ODR4: variants seen among roughly 807,000 people sequenced by gnomAD.
ODR4 encodes the protein odr-4 GPCR localization factor homolog.
ODR4 carries 47 observed loss-of-function variants against 60.2 expected under a neutral mutation model. The observed-to-expected ratio is 0.78, with a 90% CI of 0.62 to 1.00. The LOEUF (loss-of-function observed/expected upper bound fraction) is 1.00. Among genes scored for constraint, ODR4 ranks in the 50% least tolerant of loss-of-function variants. The probability of loss-of-function intolerance (pLI) is 0.00; values close to 1 mark genes in which losing one functional copy is unlikely to be tolerated. For missense variants in ODR4, 488 were observed against 530.8 expected, an observed-to-expected ratio of 0.92 and a Z score of 0.79; for synonymous variants, 178 against 175.5, an observed-to-expected ratio of 1.01 and a Z score of -0.11.
rs1230477437 is a variant in ODR4, at chr1:186,420,128, A to T, written c.*1052A>T. 6.6e-6 allele frequency: 1 copy of T among 152,200 alleles called. No individual in the cohort carries two copies. Among genetic ancestry groups the T allele is most frequent in the East Asian group, 1.9e-4 (1 of 5,196 alleles). 9.4% of individuals were successfully genotyped at this position (152,200 alleles called of 1,614,324 possible). Reference sequence around the variant, plus strand: ...GAGAATTTTCAAGAACCATACTTCGACATTTCCTCTGCCACAAAAAATGAA... The same window carrying T: ...GAGAATTTTCAAGAACCATACTTCGTCATTTCCTCTGCCACAAAAAATGAA... On this transcript the variant is annotated 3_prime_UTR_variant, in exon 14 of 14. Coordinates refer to ENST00000287859, the MANE Select transcript of ODR4 (RefSeq NM_017847.6).
intron 1 of ODR4, among the ~76,000 whole-genome samples, chr1:186,377,928 C>T (rs1659851970): frequency 6.6e-6 from 1 of 151,990 alleles, no homozygotes; most frequent in African/African-American, 2.4e-5. Context: ...GCCTGTAGTC[C>T]CAGCTACTTG....
chr1:186,379,462 A>G (rs1353332505), intron 1 of ODR4, among the ~76,000 whole-genome samples: 2 of 144,968 alleles, frequency 1.4e-5, no homozygotes, highest in African/African-American at 2.6e-5. Context: ...AAAAAAAAAA[A>G]AGAAATCTGG....
intron 1 of ODR4, among the ~76,000 whole-genome samples, chr1:186,377,905 T>A (rs1659851044): frequency 6.6e-6 from 1 of 151,494 alleles, no homozygotes; most frequent in Non-Finnish European, 1.5e-5. Flanking sequence ...ATTAGCCGAG[T>A]GTGGTGGCGG....
At chr1:186,390,944 A>C (rs1284707770) in intron 7 of ODR4, 93 bp downstream of exon 7, 1 of 1,252,132 alleles carries the variant, frequency 8.0e-7, no homozygotes, top group Non-Finnish European at 1.1e-6. Flanking sequence ...ACAATCCTCA[A>C]AAATTACATT....
chr1:186,413,202 A>G (rs969395082), intron 12 of ODR4, among the ~76,000 whole-genome samples: 1 of 152,066 alleles, frequency 6.6e-6, no homozygotes, highest in African/African-American at 2.4e-5. Flanking sequence ...CAAAGGAAAT[A>G]TACTCATTAG....
Position 186,386,048 on chromosome 1 carries a change from G to A in ODR4, c.295G>A (p.Glu99Lys). 1 of 1,604,086 alleles carries A rather than the reference G, an allele frequency of 6.2e-7. No individual in the cohort carries two copies. The highest frequency in any genetic ancestry group is 8.5e-7 in the Non-Finnish European group (1 of 1,174,472). ...TGGAGTATTTATTATTACTACTTTA[G>A]AACTGGCAAATGATTTTCAAAATGC... is the stretch of plus-strand genomic sequence containing the variant. Reference protein sequence around the residue: ...VLGVFIITTLELANDFQNALR... With the variant: ...VLGVFIITTLKLANDFQNALR... The change falls in exon 4 of 14, where the codon GAA becomes AAA. Residue 99 changes from glutamate to lysine, a missense_variant. By Grantham distance (56) the Glu-to-Lys change is moderately conservative. Transcript: ENST00000287859.
chr1:186,417,031 C>T (rs1027834579), intron 12 of ODR4, among the ~76,000 whole-genome samples: 1 of 151,906 alleles, frequency 6.6e-6, no homozygotes, highest in Non-Finnish European at 1.5e-5. Context: ...GGTGCAATCT[C>T]GGCTCACTGT....
downstream of ODR4, among the ~76,000 whole-genome samples, chr1:186,422,154 T>G (rs944499357): frequency 2.6e-5 from 4 of 152,122 alleles, no homozygotes; most frequent in Non-Finnish European, 5.9e-5. Context: ...AAAAAAAATT[T>G]TTTTTAAATG....
rs1660782863 is a variant in ODR4 at position 186,398,424 on chromosome 1, G to A, written c.892G>A (p.Val298Ile). The A allele has an allele frequency of 1.9e-6, 3 of 1,606,352 alleles. No homozygotes were observed. The Admixed American group carries it at 5.1e-5, about 27-fold the overall frequency. Residue 298 changes from valine to isoleucine, a missense_variant, in exon 10 of 14, where the codon GTT becomes ATT. Val to Ile is a conservative substitution (Grantham distance 29). Coordinates refer to ENST00000287859, the MANE Select transcript of ODR4 (RefSeq NM_017847.6). Reference sequence around the variant, plus strand: ...TTATATCCACAGCAGTAAACCCAAAGTTAAAGATGCTGTGCAGGTACAAAA... The same window carrying A: ...TTATATCCACAGCAGTAAACCCAAAATTAAAGATGCTGTGCAGGTACAAAA... ...RAYIHSSKPKVKDAVQAVKRD... is the reference protein window; with the variant it reads ...RAYIHSSKPKIKDAVQAVKRD...
the ODR4 span, among the ~76,000 whole-genome samples, chr1:186,434,614 G>A: frequency 1.3e-5 from 2 of 152,116 alleles, no homozygotes; most frequent in South Asian, 4.1e-4. Context: ...GGAAATGCTT[G>A]AAGAAGGGAA....
Position 186,419,132 on chromosome 1 carries a change from A to T in ODR4, c.*56A>T. 1 of 1,407,874 alleles carries T rather than the reference A, an allele frequency of 7.1e-7. No homozygotes were observed. The highest frequency in any genetic ancestry group is 9.9e-7 in the Non-Finnish European group (1 of 1,008,442). 87.2% of individuals were successfully genotyped at this position (1,407,874 alleles called of 1,614,324 possible). A position where few individuals can be genotyped will look rare whatever the true frequency, so the allele number is the denominator to read the frequency against. ...AGAGAACATTGACAGACAATTATGA[A>T]TAATAAAGATGTTAACAATCCATCT... On this transcript the variant is annotated 3_prime_UTR_variant, in exon 14 of 14. Coordinates refer to ENST00000287859, the MANE Select transcript of ODR4 (RefSeq NM_017847.6).
At position 186,390,867 on chromosome 1, in the gene ODR4, G is replaced by A. The variant is rs1313120439; in HGVS notation, c.615+16G>A. The A allele has an allele frequency of 1.9e-6, 3 of 1,602,896 alleles. No homozygotes were observed. The highest frequency in any genetic ancestry group is 3.4e-5 in the Admixed American group (2 of 58,360). ...AAATACAAAGGTACCAGGGTAAAATGAATTTTCTTCAGTGATTGCTGAGTG... is the reference window on the plus strand; with the variant it reads ...AAATACAAAGGTACCAGGGTAAAATAAATTTTCTTCAGTGATTGCTGAGTG... On this transcript the variant is annotated intron_variant, in intron 7 of 13. Transcript: ENST00000287859.
chr1:186,384,466 A>G (rs1277833827), intron 3 of ODR4, among the ~76,000 whole-genome samples: 1 of 152,096 alleles, frequency 6.6e-6, no homozygotes, highest in Non-Finnish European at 1.5e-5. Flanking sequence ...AAACATGGCA[A>G]CTATCTTCTA....
chr1:186,388,569 G>T, intron 5 of ODR4, 21 bp downstream of exon 5: 1 of 1,345,720 alleles, frequency 7.4e-7, no homozygotes, highest in South Asian at 1.4e-5. Context: ...TTCAGTTTAT[G>T]GTTTAAAAGT....
At chr1:186,396,838 A>G (rs1010132567) in intron 9 of ODR4, among the ~76,000 whole-genome samples, 1 of 152,068 alleles carries the variant, frequency 6.6e-6, no homozygotes, top group Non-Finnish European at 1.5e-5. Context: ...TATAAATTAT[A>G]TGTTAAATAT....
chr1:186,412,775 C>T (rs985987781), intron 12 of ODR4, among the ~76,000 whole-genome samples: 3 of 152,102 alleles, frequency 2.0e-5, no homozygotes, highest in African/African-American at 7.2e-5. Context: ...CCTAGATTCT[C>T]TTGGGGTTGA....
chr1:186,423,543 C>G (rs909280198), downstream of ODR4, among the ~76,000 whole-genome samples: 4 of 140,530 alleles, frequency 2.8e-5, no homozygotes, highest in African/African-American at 1.0e-4. Flanking sequence ...CGGTCTCCAT[C>G]TCCCAGGTTC....
intron 12 of ODR4, among the ~76,000 whole-genome samples, chr1:186,411,142 T>C (rs932132725): frequency 1.3e-5 from 2 of 152,196 alleles, no homozygotes; most frequent in Non-Finnish European, 2.9e-5. Flanking sequence ...AGCACCGATA[T>C]GATGCTCAAA....
At chr1:186,425,418 G>A (rs1222610789), downstream of ODR4, among the ~76,000 whole-genome samples, 1 of 152,118 alleles carries the variant, frequency 6.6e-6, no homozygotes, top group Admixed American at 6.5e-5. Flanking sequence ...ATGATTCTGG[G>A]AGCACAGAAT....
Sources: allele counts gnomAD v4.1 joint callset (sites outside exome capture counted in the v4.1 genomes callset), GRCh38; gene constraint gnomAD v4.1.1; transcripts MANE v1.5; gene names NCBI Gene and HGNC (gene_info 2026-07-23, HGNC 2026-07-21).